KCNU1: variants seen among roughly 807,000 people sequenced by gnomAD.
KCNU1 encodes potassium channel subfamily U member 1.
A neutral mutation model predicts 126.8 loss-of-function variants in KCNU1; 93 were observed. That is an observed-to-expected ratio of 0.73 (90% CI 0.62 to 0.87). The LOEUF is 0.87. Among genes scored for constraint, KCNU1 ranks in the 40% least tolerant of loss-of-function variants. The probability of loss-of-function intolerance (pLI) is 0.00; values close to 1 mark genes in which losing one functional copy is unlikely to be tolerated. For missense variants in KCNU1, 1,330 were observed against 1,367.1 expected (o/e 0.97, Z 0.43); for synonymous variants, 523 against 494.2 (o/e 1.06, Z -0.77).
Position 36,928,649 on chromosome 8 carries a change from C to G in KCNU1, c.2737-2302C>G, listed in dbSNP as rs114929304. Among the ~76,000 whole-genome samples the G allele has an allele frequency of 9.1e-3, 1,389 of 152,246 alleles. 19 individuals carry two copies. The highest frequency in any genetic ancestry group is 0.032 in the African/African-American group (1,324 of 41,552). On this transcript the variant is annotated intron_variant, in intron 24 of 26. Coordinates refer to ENST00000399881, the MANE Select transcript of KCNU1 (RefSeq NM_001031836.3). ...TCTTGTCAACTTATCCCAATCACGC[C>G]TACATTTTACCAGCAATATTTATTT...
chr8:36,902,181 C>T (rs537460953), intron 19 of KCNU1, among the ~76,000 whole-genome samples: 44 of 152,144 alleles, frequency 2.9e-4, no homozygotes, highest in Non-Finnish European at 4.7e-4. Flanking sequence ...TTTTAAATAT[C>T]GGTCTCCAAC....
chr8:36,834,842 T>C lies in KCNU1; in HGVS notation c.1269T>C (p.His423=). Residue 423 remains histidine (H), a synonymous_variant, in exon 12 of 27, where the codon CAT becomes CAC. Transcript: ENST00000399881. Reference sequence around the variant, plus strand: ...CCAATCCTTTGTGCAGTGATTCCCATGCTGAAGATATTTCCAACATTATGA... The same window carrying C: ...CCAATCCTTTGTGCAGTGATTCCCACGCTGAAGATATTTCCAACATTATGA... ...IIANPLCSDS[H]AEDISNIMRV... 1 of 1,611,432 alleles carries C rather than the reference T, an allele frequency of 6.2e-7. No homozygotes were observed. The highest frequency in any genetic ancestry group is 8.5e-7 in the Non-Finnish European group (1 of 1,178,236).
chr8:36,833,443 C>T (rs1325601474), intron 10 of KCNU1, 111 bp from the exon 11 acceptor site: 2 of 545,414 alleles, frequency 3.7e-6, no homozygotes, highest in Non-Finnish European at 3.4e-6. Flanking sequence ...TGTATTTTTT[C>T]ATATCACTAT....
chr8:36,835,945 C>T (rs992120320), intron 12 of KCNU1, among the ~76,000 whole-genome samples: 6 of 152,118 alleles, frequency 3.9e-5, no homozygotes, highest in African/African-American at 1.4e-4. Flanking sequence ...TATTTCAAGC[C>T]ATAGACTACC....
chr8:36,890,231 A>G (rs76990473), intron 19 of KCNU1, among the ~76,000 whole-genome samples: 3,462 of 152,216 alleles, frequency 0.023, 67 homozygotes, highest in Non-Finnish European at 0.034. Context: ...AATATTCAAG[A>G]CAGAATAAAT....
intron 18 of KCNU1, among the ~76,000 whole-genome samples, chr8:36,856,069 C>T (rs1394484059): frequency 1.3e-5 from 2 of 152,134 alleles, no homozygotes; most frequent in African/African-American, 4.8e-5. Context: ...GAATAATTAA[C>T]ATCAGTTAAT....
chr8:36,799,097 C>G (rs7813331), intron 2 of KCNU1, among the ~76,000 whole-genome samples: 1 of 152,298 alleles, frequency 6.6e-6, no homozygotes, highest in East Asian at 1.9e-4. Context: ...GTTCCTCTTT[C>G]TGCCTTTCTG....
chr8:36,801,335 G>A (rs1352724886), intron 2 of KCNU1, among the ~76,000 whole-genome samples: 1 of 152,076 alleles, frequency 6.6e-6, no homozygotes, highest in African/African-American at 2.4e-5. Context: ...AGCTCCCAGT[G>A]CCTTCTTTTG....
chr8:36,795,970 G>A (rs981301700), intron 2 of KCNU1: 1 of 152,174 alleles, frequency 6.6e-6, no homozygotes, highest in Non-Finnish European at 1.5e-5. Flanking sequence ...ACAGCTATCT[G>A]GGCTGGCCAA....
At chr8:36,792,148 A>G (rs1001727084) in intron 2 of KCNU1, among the ~76,000 whole-genome samples, 3 of 152,180 alleles carry the variant, frequency 2.0e-5, no homozygotes, top group African/African-American at 7.2e-5. Flanking sequence ...CAAAGTAAAA[A>G]CTAAATTCCT....
chr8:36,889,872 A>G (rs1251763249), intron 19 of KCNU1, among the ~76,000 whole-genome samples: 2 of 152,116 alleles, frequency 1.3e-5, no homozygotes, highest in Non-Finnish European at 2.9e-5. Context: ...AACCCAAATG[A>G]AAAGAAGTCA....
At chr8:36,930,001 T>G (rs1808651443) in intron 24 of KCNU1, among the ~76,000 whole-genome samples, 1 of 152,058 alleles carries the variant, frequency 6.6e-6, no homozygotes, top group Non-Finnish European at 1.5e-5. Context: ...GTAGAGAAAA[T>G]AAATGGCAAA....
At chr8:36,907,977 C>A (rs990710315) in intron 20 of KCNU1, among the ~76,000 whole-genome samples, 1 of 152,014 alleles carries the variant, frequency 6.6e-6, no homozygotes. Flanking sequence ...AAAATTAACT[C>A]TTTGGTTTTT....
chr8:36,820,902 G>A (rs1217755511), intron 10 of KCNU1, among the ~76,000 whole-genome samples: 1 of 152,172 alleles, frequency 6.6e-6, no homozygotes, highest in Non-Finnish European at 1.5e-5. Context: ...ATTCTTCTCG[G>A]AAGCCTGACA....
intron 11 of KCNU1, among the ~76,000 whole-genome samples, chr8:36,834,303 G>A (rs1157435880): frequency 6.6e-6 from 1 of 152,084 alleles, no homozygotes; most frequent in African/African-American, 2.4e-5. Flanking sequence ...CTTTCCTGCA[G>A]TTTAGTACTG....
At chr8:36,884,672 G>A (rs1443900327) in intron 19 of KCNU1, among the ~76,000 whole-genome samples, 2 of 152,056 alleles carry the variant, frequency 1.3e-5, no homozygotes, top group Non-Finnish European at 2.9e-5. Context: ...GGAGGTGGAG[G>A]TTGCAGTGAG....
At chr8:36,882,123 A>G (rs1255226775) in intron 19 of KCNU1, among the ~76,000 whole-genome samples, 2 of 152,110 alleles carry the variant, frequency 1.3e-5, no homozygotes, top group Non-Finnish European at 2.9e-5. Flanking sequence ...CCTTGTCTCA[A>G]TCATTTCTTC....
intron 19 of KCNU1, among the ~76,000 whole-genome samples, chr8:36,865,830 C>A (rs1307764973): frequency 7.0e-6 from 1 of 142,464 alleles, no homozygotes; most frequent in African/African-American, 2.6e-5. Context: ...TACACACACA[C>A]AGAATATTAT....
chr8:36,803,135 C>G (rs576787779), intron 2 of KCNU1, among the ~76,000 whole-genome samples: 2 of 152,066 alleles, frequency 1.3e-5, no homozygotes, highest in Admixed American at 6.6e-5. Flanking sequence ...CAGAGGTAGC[C>G]TAGTCAGCAG....
Sources: allele counts gnomAD v4.1 joint callset (sites outside exome capture counted in the v4.1 genomes callset), GRCh38; gene constraint gnomAD v4.1.1; transcripts MANE v1.5; gene names NCBI Gene and HGNC (gene_info 2026-07-23, HGNC 2026-07-21).